The following UTP20 variants were observed in gnomAD, a reference collection of about 807,000 sequenced individuals.
The protein encoded by UTP20 is small subunit processome component 20 homolog.
UTP20 carries 164 observed loss-of-function variants against 329.5 expected under a neutral mutation model. The ratio of observed to expected loss-of-function variants is 0.50; its 90% CI spans 0.44 to 0.57. The LOEUF (loss-of-function observed/expected upper bound fraction) is 0.57, where lower values mean the gene tolerates loss of function less well. Among genes scored for constraint, UTP20 ranks in the 20% least tolerant of loss-of-function variants. UTP20 has a pLI of 0.00. For missense variants in UTP20, 3,055 were observed against 3,284.2 expected, an observed-to-expected ratio of 0.93 and a Z score of 1.71; for synonymous variants, 1,151 against 1,159.3, an observed-to-expected ratio of 0.99 and a Z score of 0.14.
intron 27 of UTP20, 42 bp downstream of exon 27, chr12:101,329,491 T>A: frequency 1.3e-6 from 2 of 1,547,478 alleles, no homozygotes; most frequent in South Asian, 2.3e-5. Flanking sequence ...GTGCTTGAAC[T>A]GATATTTCTT....
At chr12:101,294,912 G>A (rs1872299115) in intron 11 of UTP20, among the ~76,000 whole-genome samples, 1 of 152,170 alleles carries the variant, frequency 6.6e-6, no homozygotes, top group Non-Finnish European at 1.5e-5. Flanking sequence ...TGAATGGCTG[G>A]CCAAAGAGTC....
intron 25 of UTP20, among the ~76,000 whole-genome samples, chr12:101,322,452 G>A (rs1162328040): frequency 6.6e-6 from 1 of 152,050 alleles, no homozygotes. Flanking sequence ...AATTATAAAT[G>A]GTAGAGCAAA....
At position 101,354,940 on chromosome 12, in the gene UTP20, C is replaced by T. The variant is rs138643360; in HGVS notation, c.5216C>T (p.Pro1739Leu). 215 of 1,614,074 alleles carry T rather than the reference C, an allele frequency of 1.3e-4. No individual in the cohort carries two copies. In the African/African-American group the frequency reaches 1.6e-3, roughly 12 times the overall value. The change falls in exon 41 of 62, where the codon CCG becomes CTG. Residue 1739 changes from proline (P) to leucine (L), a missense_variant. This residue lies in a region of UTP20 where 2,445 missense variants were observed against 2,575.5 expected (regional missense o/e 0.95). Coordinates refer to ENST00000261637, the MANE Select transcript of UTP20 (RefSeq NM_014503.3). ...AAGAGTTTGTCAGACAACGGACAAC[C>T]GGGAACCCCTGATCCAGCTGACTCT... is the stretch of plus-strand genomic sequence containing the variant. ...TCKSLSDNGQ[P>L]GTPDPADSGG...
At chr12:101,375,473 G>A in intron 55 of UTP20, 151 bp from the exon 56 acceptor site, 2 of 719,094 alleles carry the variant, frequency 2.8e-6, no homozygotes, top group East Asian at 2.8e-5. Context: ...AGTGCACATG[G>A]CAGCCCCCAC....
At position 101,381,143 on chromosome 12, in the gene UTP20, A is replaced by G. The variant is rs1387211827; in HGVS notation, c.7588A>G (p.Lys2530Glu). 6.2e-7 allele frequency: 1 copy of G among 1,613,464 alleles called. No homozygotes were observed. The highest frequency in any genetic ancestry group is 8.5e-7 in the Non-Finnish European group (1 of 1,179,398). ...AATGTCCATTTTCTTTTCACAGATG[A>G]AAAGTATCTCTCTCGCCTCTTGCCA... ...FLASDLDQKM[K>E]SISLASCHQL... is the part of the protein sequence containing the mutation. Residue 2530 changes from lysine (K) to glutamate (E), a missense_variant, in exon 58 of 62, where the codon AAA becomes GAA. By Grantham distance (56) the Lys-to-Glu change is moderately conservative. This residue lies in a region of UTP20 where 337 missense variants were observed against 345.5 expected (regional missense o/e 0.98). Transcript: ENST00000261637.
intron 29 of UTP20, 109 bp from the exon 30 acceptor site, chr12:101,337,942 T>A: frequency 1.0e-6 from 1 of 967,226 alleles, no homozygotes; most frequent in Non-Finnish European, 1.5e-6. Flanking sequence ...TTGAATAATC[T>A]TATTAATGTT....
At chr12:101,349,797 C>G (rs1400541746) in intron 38 of UTP20, among the ~76,000 whole-genome samples, 1 of 152,028 alleles carries the variant, frequency 6.6e-6, no homozygotes, top group African/African-American at 2.4e-5. Context: ...CCCTTCTTGC[C>G]TTTGGAGACT....
intron 32 of UTP20, among the ~76,000 whole-genome samples, chr12:101,341,590 A>G (rs1869137590): frequency 6.6e-6 from 1 of 152,246 alleles, no homozygotes; most frequent in Non-Finnish European, 1.5e-5. Context: ...TGGAGAAATA[A>G]CAATATAATT....
chr12:101,311,946 T>C lies in UTP20; in HGVS notation c.2312-90T>C, dbSNP rs1872806101. 5 of 1,579,844 alleles carry C rather than the reference T, an allele frequency of 3.2e-6. No individual in the cohort carries two copies. The Admixed American group carries it at 8.8e-5, about 28-fold the overall frequency. On this transcript the variant is annotated intron_variant, in intron 20 of 61. Coordinates refer to ENST00000261637, the MANE Select transcript of UTP20 (RefSeq NM_014503.3). ...TTGGGAGTGACATTCTTTCCTTACA[T>C]TATAGAGAAAGAAATGCCCTCTCTT...
rs759773189 is a variant in UTP20, at chr12:101,371,148, G to C, written c.6778G>C (p.Ala2260Pro). Residue 2260 changes from alanine to proline, a missense_variant, in exon 51 of 62, where the codon GCC becomes CCC. This residue lies in a region of UTP20 where 273 missense variants were observed against 363.1 expected (regional missense o/e 0.75). Transcript: ENST00000261637. The stretch of plus-strand genomic sequence containing the variant: ...GGCAGTCTCTGCACAAAGCGAACCT[G>C]CCAGGGTCCAGTGTAGACAGGTTTG... ...KLAVSAQSEP[A>P]RVQCRQVFLK... is the part of the protein sequence containing the mutation. 4 of 1,613,860 alleles carry C rather than the reference G, an allele frequency of 2.5e-6. No homozygotes were observed. In the East Asian group the frequency reaches 8.9e-5, roughly 36 times the overall value.
At position 101,346,454 on chromosome 12, in the gene UTP20, C is replaced by T; in HGVS notation, c.4750C>T (p.His1584Tyr). The part of the protein sequence containing the change: ...FFENMKHIQI[H>Y]RRARALKKLA... ...TCATATTTTATCTTACCCATAGATC[C>T]ACAGAAGAGCAAGAGCCTTGAAGAA... Residue 1584 changes from histidine (H) to tyrosine (Y), a missense_variant, in exon 38 of 62, where the codon CAC (histidine) becomes TAC (tyrosine). Around this residue, in one of 3 missense-constraint regions of UTP20, gnomAD observed 2,445 missense variants for 2,575.5 expected, o/e 0.95. Coordinates refer to ENST00000261637, the MANE Select transcript of UTP20 (RefSeq NM_014503.3). 5 of 1,595,226 alleles carry T rather than the reference C, an allele frequency of 3.1e-6. No individual in the cohort carries two copies. The highest frequency in any genetic ancestry group is 4.3e-6 in the Non-Finnish European group (5 of 1,173,706).
chr12:101,329,290 TA>T lies in UTP20; in HGVS notation c.3261del (p.Val1088PhefsTer4). On this transcript the variant is annotated frameshift_variant, in exon 27 of 62. Coordinates refer to ENST00000261637, the MANE Select transcript of UTP20 (RefSeq NM_014503.3). LOFTEE classifies it high-confidence loss of function. Reference protein sequence around the residue: ...IQAVEDLDLSKVLPLGRQHGI... With the variant: ...IQAVEDLDLSXVLPLGRQHGI... Reference sequence around the variant, plus strand: ...AAGCAGTAGAAGACTTGGATTTGTCTAAAGTTCTTCCTTTAGGTCGTCAGCA... The same window carrying T: ...AAGCAGTAGAAGACTTGGATTTGTCTAAGTTCTTCCTTTAGGTCGTCAGCA... The T allele has an allele frequency of 6.2e-7, 1 of 1,614,202 alleles. No homozygotes were observed. The highest frequency in any genetic ancestry group is 8.5e-7 in the Non-Finnish European group (1 of 1,180,034).
intron 12 of UTP20, among the ~76,000 whole-genome samples, chr12:101,298,909 T>G (rs1401895539): frequency 6.6e-6 from 1 of 151,856 alleles, no homozygotes; most frequent in Non-Finnish European, 1.5e-5. Context: ...ACCTGACCAT[T>G]TTTTGGTGAA....
Position 101,285,796 on chromosome 12 carries a change from T to G in UTP20, c.241T>G (p.Leu81Val). The change falls in exon 4 of 62, where the codon TTG becomes GTG. Residue 81 changes from leucine to valine, a missense_variant. Physicochemically the swap from Leu to Val is conservative, Grantham distance 32 (BLOSUM62 1). Transcript: ENST00000261637. ...VIDKCQSFNQ[L>V]VYHQNEIVQS... ...TGACAAATGCCAATCATTCAATCAG[T>G]TGGTGTATCACCAAAACGAGATAGT... The G allele has an allele frequency of 6.2e-7, 1 of 1,613,852 alleles. No individual in the cohort carries two copies. The highest frequency in any genetic ancestry group is 1.1e-5 in the South Asian group (1 of 91,062).
intron 31 of UTP20, 107 bp downstream of exon 31, chr12:101,339,064 G>T (rs1869034837): frequency 8.3e-7 from 1 of 1,208,056 alleles, no homozygotes; most frequent in Non-Finnish European, 1.1e-6. Flanking sequence ...TGTAATCCCA[G>T]CACTTTGGGA....
chr12:101,369,877 G>A lies in UTP20; in HGVS notation c.6541G>A (p.Val2181Ile), dbSNP rs754000492. 1 of 1,613,794 alleles carries A rather than the reference G, an allele frequency of 6.2e-7. No homozygotes were observed. The highest frequency in any genetic ancestry group is 8.5e-7 in the Non-Finnish European group (1 of 1,179,880). The change falls in exon 49 of 62, where the codon GTC (valine) becomes ATC (isoleucine). Residue 2181 changes from valine (V) to isoleucine (I), a missense_variant. Physicochemically the swap from Val to Ile is conservative, Grantham distance 29. Transcript: ENST00000261637. ...CAGGGGCCAGAACTTCCACCTTGTG[G>A]TCAATTGTTTCAAGGTGAGATGTCT... ...AARGQNFHLVVNCFKCVTILV... is the reference protein window; with the variant it reads ...AARGQNFHLVINCFKCVTILV...
intron 45 of UTP20, 26 bp downstream of exon 45, chr12:101,363,769 G>T: frequency 6.9e-7 from 1 of 1,456,414 alleles, no homozygotes. Flanking sequence ...CAATTCTGGA[G>T]ATCACAGCAT....
chr12:101,291,600 T>C, intron 8 of UTP20, 142 bp from the exon 9 acceptor site: 1 of 632,152 alleles, frequency 1.6e-6, no homozygotes, highest in South Asian at 4.1e-5. Flanking sequence ...TTAGCTGTTA[T>C]CGTTAGTGAG....
At chr12:101,344,867 T>G (rs1308350059) in intron 36 of UTP20, 117 bp downstream of exon 36, 10 of 770,758 alleles carry the variant, frequency 1.3e-5, no homozygotes, top group Non-Finnish European at 2.0e-5. Context: ...ATGAGAATAC[T>G]TGGTTGAGTA....
Sources: allele counts gnomAD v4.1 joint callset (sites outside exome capture counted in the v4.1 genomes callset), GRCh38; gene constraint gnomAD v4.1.1; regional missense constraint gnomAD v4.1.1; transcripts MANE v1.5; gene names NCBI Gene and HGNC (gene_info 2026-07-23, HGNC 2026-07-21).